Variants in DOK6 observed in about 807,000 individuals in gnomAD.
The protein encoded by DOK6 is downstream of tyrosine kinase 6.
A neutral mutation model predicts 44.0 loss-of-function variants in DOK6; 22 were observed. That is an observed-to-expected ratio of 0.50 (90% CI 0.36 to 0.71). The LOEUF (loss-of-function observed/expected upper bound fraction) is 0.71, where lower values mean the gene tolerates loss of function less well. DOK6 is among the 30% of genes least tolerant of loss of function. DOK6 has a pLI of 0.00. For missense variants in DOK6, 340 were observed against 416.4 expected (o/e 0.82, Z 1.60); for synonymous variants, 166 against 145.5 (o/e 1.14, Z -1.01).
At chr18:69,773,533 C>A (rs920774519) in intron 7 of DOK6, among the ~76,000 whole-genome samples, 4 of 151,894 alleles carry the variant, frequency 2.6e-5, no homozygotes, top group Admixed American at 2.6e-4. Flanking sequence ...CTGCCATATG[C>A]TACATCATGG....
intron 1 of DOK6, among the ~76,000 whole-genome samples, chr18:69,421,425 C>T (rs573901772): frequency 1.3e-5 from 2 of 152,318 alleles, no homozygotes; most frequent in African/African-American, 4.8e-5. Context: ...AGGCTGTGGA[C>T]TTTCCTTCTT....
At chr18:69,574,935 G>A (rs368859771) in intron 2 of DOK6, among the ~76,000 whole-genome samples, 16 of 152,092 alleles carry the variant, frequency 1.1e-4, no homozygotes, top group East Asian at 7.7e-4. Context: ...AGAAAGGTAC[G>A]TGAATGGAAA....
chr18:69,447,159 G>A (rs886597582), intron 1 of DOK6, among the ~76,000 whole-genome samples: 1 of 152,158 alleles, frequency 6.6e-6, no homozygotes, highest in Non-Finnish European at 1.5e-5. Flanking sequence ...TATTGCCTAG[G>A]TTTTATTCTA....
intron 1 of DOK6, among the ~76,000 whole-genome samples, chr18:69,491,912 T>A (rs1980745986): frequency 6.6e-6 from 1 of 152,194 alleles, no homozygotes; most frequent in Admixed American, 6.5e-5. Context: ...ACATTACCGC[T>A]GAGTAAATGG....
At chr18:69,740,722 G>A (rs1278194883) in intron 6 of DOK6, among the ~76,000 whole-genome samples, 1 of 152,168 alleles carries the variant, frequency 6.6e-6, no homozygotes. Context: ...CTACTCATTT[G>A]GTTGTTATGA....
chr18:69,465,700 C>A (rs958097128), intron 1 of DOK6, among the ~76,000 whole-genome samples: 1 of 151,936 alleles, frequency 6.6e-6, no homozygotes, highest in African/African-American at 2.4e-5. Flanking sequence ...TTAATCCAGT[C>A]TATCATTGTT....
At chr18:69,799,998 T>A (rs2083994240) in intron 7 of DOK6, among the ~76,000 whole-genome samples, 3 of 152,120 alleles carry the variant, frequency 2.0e-5, no homozygotes, top group Admixed American at 2.0e-4. Flanking sequence ...GGCAACAAAT[T>A]GAAATCAGCA....
intron 1 of DOK6, among the ~76,000 whole-genome samples, chr18:69,414,871 A>G (rs1978321937): frequency 6.6e-6 from 1 of 152,116 alleles, no homozygotes; most frequent in Admixed American, 6.6e-5. Context: ...AAACACGATA[A>G]GCCATCCAGT....
At chr18:69,493,834 A>G (rs527618641) in intron 1 of DOK6, among the ~76,000 whole-genome samples, 32 of 152,320 alleles carry the variant, frequency 2.1e-4, no homozygotes, top group African/African-American at 7.2e-4. Context: ...TTATGGAGCA[A>G]TCATTGACAA....
chr18:69,633,482 C>T (rs1984734539), intron 3 of DOK6, among the ~76,000 whole-genome samples: 2 of 152,112 alleles, frequency 1.3e-5, no homozygotes, highest in Admixed American at 1.3e-4. Context: ...CATGTATCTT[C>T]TTAGTATACA....
rs548638756 is a variant in DOK6, at chr18:69,510,472, T to C, written c.67-54015T>C. On this transcript the variant is annotated intron_variant, in intron 1 of 7. Coordinates refer to ENST00000382713, the MANE Select transcript of DOK6 (RefSeq NM_152721.6). ...ACTCATGCCCAGTATTTTTTAAAAGTCCAAATGAGATGAATTGGAGTTTTG... is the reference window on the plus strand; with the variant it reads ...ACTCATGCCCAGTATTTTTTAAAAGCCCAAATGAGATGAATTGGAGTTTTG... 1.8e-3 allele frequency among the ~76,000 whole-genome samples: 271 copies of C among 152,310 alleles called. 2 individuals are homozygous for C. Among genetic ancestry groups the C allele is most frequent in the African/African-American group, 6.2e-3 (259 of 41,580 alleles).
intron 3 of DOK6, among the ~76,000 whole-genome samples, chr18:69,638,340 G>T (rs1452295836): frequency 6.6e-6 from 1 of 152,160 alleles, no homozygotes; most frequent in Non-Finnish European, 1.5e-5. Flanking sequence ...AGAATTATCT[G>T]GCCTATGAAG....
intron 3 of DOK6, among the ~76,000 whole-genome samples, chr18:69,619,204 T>C (rs1488973291): frequency 6.6e-6 from 1 of 152,182 alleles, no homozygotes; most frequent in Non-Finnish European, 1.5e-5. Flanking sequence ...TACTCATGCA[T>C]TTTCACGGCT....
At chr18:69,717,239 C>T (rs563480426) in intron 5 of DOK6, among the ~76,000 whole-genome samples, 342 of 152,156 alleles carry the variant, frequency 2.2e-3, no homozygotes, top group Non-Finnish European at 3.8e-3. Flanking sequence ...AATATCTATA[C>T]ATGTTATTTT....
chr18:69,437,935 G>C (rs900117558), intron 1 of DOK6, among the ~76,000 whole-genome samples: 1 of 152,152 alleles, frequency 6.6e-6, no homozygotes, highest in South Asian at 2.1e-4. Context: ...ATATCATTGT[G>C]TCTGAAAAAC....
chr18:69,678,330 C>G (rs1985970972), intron 4 of DOK6, among the ~76,000 whole-genome samples: 1 of 152,162 alleles, frequency 6.6e-6, no homozygotes, highest in Non-Finnish European at 1.5e-5. Flanking sequence ...GGAGAAAATG[C>G]TAAGGTACAA....
At chr18:69,783,442 T>G (rs557931577) in intron 7 of DOK6, among the ~76,000 whole-genome samples, 2 of 152,320 alleles carry the variant, frequency 1.3e-5, no homozygotes, top group Admixed American at 1.3e-4. Flanking sequence ...TAATTCCACC[T>G]CTTCCTTTTT....
At chr18:69,609,878 A>G (rs777436051) in intron 3 of DOK6, among the ~76,000 whole-genome samples, 19 of 152,226 alleles carry the variant, frequency 1.2e-4, no homozygotes, top group African/African-American at 1.9e-4. Flanking sequence ...ATGCAACAAC[A>G]TGGATGAATC....
intron 7 of DOK6, among the ~76,000 whole-genome samples, chr18:69,827,288 TTTGGATTTGGG>T (rs1458575643): frequency 1.3e-5 from 2 of 152,108 alleles, no homozygotes; most frequent in Non-Finnish European, 2.9e-5. Flanking sequence ...CTACTTGCCA[TTTGGATTTGGG>T]TATAATTCAT....
Sources: gnomAD v4.1 joint callset for allele counts (sites outside exome capture counted in the v4.1 genomes callset) on GRCh38, gnomAD v4.1.1 for gene constraint, MANE v1.5 for transcripts, NCBI Gene and HGNC (gene_info 2026-07-23, HGNC 2026-07-21) for gene names.